Variants in PLPP4 observed in about 807,000 individuals in gnomAD.
The protein encoded by PLPP4 is diacylglycerol pyrophosphate like 2.
In PLPP4, 20 loss-of-function variants were observed where a neutral mutation model predicts 32.2. The observed-to-expected ratio is 0.62, with a 90% CI of 0.44 to 0.90. PLPP4 has a LOEUF of 0.90. Ranked by LOEUF, PLPP4 falls within the 40% of genes least tolerant of loss-of-function variation. The pLI is 0.00. For synonymous variants in PLPP4, 127 were observed against 133.0 expected, an observed-to-expected ratio of 0.95 and a Z score of 0.31; for missense variants, 257 against 353.1, an observed-to-expected ratio of 0.73 and a Z score of 2.18.
chr10:120,493,735 G>A (rs889955060), intron 1 of PLPP4, among the ~76,000 whole-genome samples: 1 of 152,126 alleles, frequency 6.6e-6, no homozygotes, highest in South Asian at 2.1e-4. Flanking sequence ...ACACGTTCTC[G>A]TCGAGGGAGG....
At chr10:120,478,229 T>C (rs1056233354) in intron 1 of PLPP4, among the ~76,000 whole-genome samples, 1 of 152,214 alleles carries the variant, frequency 6.6e-6, no homozygotes, top group Non-Finnish European at 1.5e-5. Flanking sequence ...TCATTTCTCA[T>C]AGTGACCCAT....
At chr10:120,542,955 C>T (rs11199386) in intron 5 of PLPP4, among the ~76,000 whole-genome samples, 6,680 of 152,254 alleles carry the variant, frequency 0.044, 243 homozygotes, top group South Asian at 0.2. Flanking sequence ...AGAGACGCTG[C>T]TCCAAGAAAT....
rs116619319 is a variant in PLPP4 at position 120,591,072 on chromosome 10, A to G, written c.*1570A>G. Among the ~76,000 whole-genome samples, 423 of 152,132 alleles carry G rather than the reference A, an allele frequency of 2.8e-3. 2 individuals are homozygous for G. The highest frequency in any genetic ancestry group is 9.7e-3 in the African/African-American group (402 of 41,506). The stretch of plus-strand genomic sequence containing the variant: ...GCGTGAGCCACTGCACCTGGCCAAG[A>G]GTGTTGCTTTTGGGCAGTTAGCATA... On this transcript the variant is annotated 3_prime_UTR_variant, in exon 7 of 7. Transcript: ENST00000398250.
At chr10:120,550,352 G>T (rs546786296) in intron 5 of PLPP4, among the ~76,000 whole-genome samples, 53 of 151,872 alleles carry the variant, frequency 3.5e-4, no homozygotes, top group Non-Finnish European at 7.4e-4. Context: ...ATATTGTTAA[G>T]ATATTGATTA....
intron 3 of PLPP4, among the ~76,000 whole-genome samples, chr10:120,514,737 A>T (rs555778362): frequency 3.9e-5 from 6 of 152,284 alleles, no homozygotes; most frequent in African/African-American, 1.4e-4. Context: ...AACAAAATAA[A>T]CTAACCTGTA....
chr10:120,517,127 G>C (rs1283717530), intron 3 of PLPP4, among the ~76,000 whole-genome samples: 1 of 152,180 alleles, frequency 6.6e-6, no homozygotes, highest in East Asian at 1.9e-4. Flanking sequence ...GGCTGTGTAT[G>C]AAGTTCACCA....
At chr10:120,485,017 A>C (rs994238277) in intron 1 of PLPP4, among the ~76,000 whole-genome samples, 1 of 152,242 alleles carries the variant, frequency 6.6e-6, no homozygotes, top group Non-Finnish European at 1.5e-5. Context: ...GCAAGGAATG[A>C]GGGCAGCCTC....
At chr10:120,474,489 T>G (rs1843809620) in intron 1 of PLPP4, among the ~76,000 whole-genome samples, 1 of 152,190 alleles carries the variant, frequency 6.6e-6, no homozygotes, top group African/African-American at 2.4e-5. Flanking sequence ...CCCACATTTA[T>G]TTTTATTTAT....
rs966536207 is a variant in PLPP4 at position 120,457,262 on chromosome 10, C to A, written c.-44C>A. 12 of 1,429,800 alleles carry A rather than the reference C, an allele frequency of 8.4e-6. No homozygotes were observed. Among genetic ancestry groups the A allele is most frequent in the Non-Finnish European group, 1.1e-5 (12 of 1,079,452 alleles). 88.6% of individuals were successfully genotyped at this position (1,429,800 alleles called of 1,614,324 possible). On this transcript the variant is annotated 5_prime_UTR_variant, in exon 1 of 7. Coordinates refer to ENST00000398250, the MANE Select transcript of PLPP4 (RefSeq NM_001030059.3). ...GGCGCCGGCCGAGCTGCGGGAGCCG[C>A]GGAGAGCACCAGCTGACGCCGCGGG...
chr10:120,508,605 C>T (rs2133878501), intron 2 of PLPP4, among the ~76,000 whole-genome samples: 1 of 152,316 alleles, frequency 6.6e-6, no homozygotes. Flanking sequence ...GTGCATGGTG[C>T]CTTACATCAG....
At chr10:120,525,928 T>C (rs1352284016) in intron 5 of PLPP4, among the ~76,000 whole-genome samples, 1 of 152,186 alleles carries the variant, frequency 6.6e-6, no homozygotes, top group Non-Finnish European at 1.5e-5. Context: ...ATCGTTCTGC[T>C]AACTCTGTAG....
chr10:120,498,541 T>C (rs978082700), intron 1 of PLPP4, among the ~76,000 whole-genome samples: 1 of 152,240 alleles, frequency 6.6e-6, no homozygotes, highest in Non-Finnish European at 1.5e-5. Context: ...CTTACTCTAC[T>C]CTTAAATAAA....
chr10:120,549,457 T>A (rs1309782822), intron 5 of PLPP4, among the ~76,000 whole-genome samples: 2 of 151,712 alleles, frequency 1.3e-5, no homozygotes, highest in Non-Finnish European at 2.9e-5. Flanking sequence ...TAACCTTACC[T>A]AAAACTTTCA....
intron 1 of PLPP4, among the ~76,000 whole-genome samples, chr10:120,488,799 A>C (rs1323713751): frequency 6.6e-6 from 1 of 152,180 alleles, no homozygotes; most frequent in East Asian, 1.9e-4. Context: ...CATTTTCAAA[A>C]ATAGTCATAA....
chr10:120,476,434 G>T (rs1843913148), intron 1 of PLPP4, among the ~76,000 whole-genome samples: 2 of 152,156 alleles, frequency 1.3e-5, no homozygotes, highest in Admixed American at 1.3e-4. Flanking sequence ...TTTATAAATG[G>T]CGAAACTGAT....
chr10:120,555,805 T>C (rs1454326029), intron 5 of PLPP4, among the ~76,000 whole-genome samples: 3 of 152,182 alleles, frequency 2.0e-5, no homozygotes, highest in African/African-American at 7.2e-5. Context: ...GCCTCCTGGG[T>C]GCCAGGCACA....
chr10:120,466,745 G>A (rs757181273), intron 1 of PLPP4, among the ~76,000 whole-genome samples: 3 of 116,654 alleles, frequency 2.6e-5, no homozygotes, highest in Non-Finnish European at 3.8e-5. Context: ...GAGCCTCCTC[G>A]TCTGTTAAAC....
intron 6 of PLPP4, among the ~76,000 whole-genome samples, chr10:120,579,749 A>G (rs897528651): frequency 1.3e-5 from 2 of 152,078 alleles, no homozygotes; most frequent in Non-Finnish European, 2.9e-5. Flanking sequence ...TCCATGTGAC[A>G]GAGCCATTAC....
chr10:120,488,853 T>C (rs1228521416), intron 1 of PLPP4, among the ~76,000 whole-genome samples: 3 of 152,226 alleles, frequency 2.0e-5, no homozygotes, highest in Admixed American at 2.0e-4. Flanking sequence ...AGTTCCAGTT[T>C]TGATGCTTGT....
Sources: gnomAD v4.1 joint callset for allele counts (sites outside exome capture counted in the v4.1 genomes callset) on GRCh38, gnomAD v4.1.1 for gene constraint, MANE v1.5 for transcripts, NCBI Gene and HGNC (gene_info 2026-07-23, HGNC 2026-07-21) for gene names.